INPP4B: variants seen among roughly 807,000 people sequenced by gnomAD.
INPP4B encodes the protein inositol polyphosphate 4-phosphatase type II.
In INPP4B, 55 loss-of-function variants were observed where a neutral mutation model predicts 122.5. The ratio of observed to expected loss-of-function variants is 0.45; its 90% confidence interval spans 0.36 to 0.56. The LOEUF is 0.56. Ranked by LOEUF, INPP4B falls within the 20% of genes least tolerant of loss-of-function variation. The pLI is 0.00. For synonymous variants in INPP4B, 403 were observed against 388.7 expected (o/e 1.04, Z -0.43); for missense variants, 1,000 against 1,097.7 (o/e 0.91, Z 1.26).
chr4:142,513,812 G>A (rs1293244927), intron 2 of INPP4B, among the ~76,000 whole-genome samples: 1 of 152,112 alleles, frequency 6.6e-6, no homozygotes, highest in African/African-American at 2.4e-5. Context: ...ATCACATTGG[G>A]GATTAGGATT....
intron 2 of INPP4B, among the ~76,000 whole-genome samples, chr4:142,720,791 C>CTA (rs1479748410): frequency 2.0e-4 from 8 of 39,532 alleles, no homozygotes; most frequent in Non-Finnish European, 3.7e-4. Context: ...CTCTCTCTCT[C>CTA]TCTCTCTCTC....
At chr4:142,479,436 T>C (rs930731596) in intron 2 of INPP4B, among the ~76,000 whole-genome samples, 9 of 152,146 alleles carry the variant, frequency 5.9e-5, no homozygotes, top group Non-Finnish European at 8.8e-5. Context: ...GAAGTAACAA[T>C]TGACCCAGCA....
At chr4:142,588,016 ATG>A (rs1736611126) in intron 2 of INPP4B, among the ~76,000 whole-genome samples, 1 of 151,964 alleles carries the variant, frequency 6.6e-6, no homozygotes, top group African/African-American at 2.4e-5. Context: ...GGGTCAACAT[ATG>A]AAAATAAATG....
chr4:142,241,317 A>G (rs1016349774), intron 11 of INPP4B, among the ~76,000 whole-genome samples: 2 of 152,104 alleles, frequency 1.3e-5, no homozygotes, highest in East Asian at 3.9e-4. Flanking sequence ...GACATTTTGG[A>G]CCATATCATT....
At chr4:142,060,550 A>C (rs1463299706) in intron 25 of INPP4B, among the ~76,000 whole-genome samples, 1 of 152,222 alleles carries the variant, frequency 6.6e-6, no homozygotes, top group African/African-American at 2.4e-5. Flanking sequence ...CTTGGAAACT[A>C]GGACTCAGAG....
At chr4:142,237,485 T>C (rs1449005426) in intron 12 of INPP4B, among the ~76,000 whole-genome samples, 4 of 152,106 alleles carry the variant, frequency 2.6e-5, no homozygotes, top group Non-Finnish European at 5.9e-5. Context: ...AGTTAATATT[T>C]TGTTATTAAA....
chr4:142,128,590 C>A (rs1201822120), intron 18 of INPP4B, among the ~76,000 whole-genome samples: 1 of 152,102 alleles, frequency 6.6e-6, no homozygotes, highest in Non-Finnish European at 1.5e-5. Flanking sequence ...ACTCCTTAAC[C>A]CTGAGACCAA....
intron 2 of INPP4B, among the ~76,000 whole-genome samples, chr4:142,522,630 T>C (rs762843501): frequency 1.3e-5 from 2 of 151,968 alleles, no homozygotes; most frequent in Non-Finnish European, 2.9e-5. Context: ...AGGGAGACGG[T>C]TTACTATATC....
chr4:142,641,528 T>C (rs1750464547), intron 2 of INPP4B, among the ~76,000 whole-genome samples: 1 of 151,978 alleles, frequency 6.6e-6, no homozygotes, highest in Admixed American at 6.6e-5. Context: ...TGTTTGGTTT[T>C]TTATCCTTGC....
chr4:142,833,121 A>C (rs1221982218), intron 1 of INPP4B, among the ~76,000 whole-genome samples: 1 of 151,980 alleles, frequency 6.6e-6, no homozygotes, highest in Non-Finnish European at 1.5e-5. Flanking sequence ...TACACAAGTG[A>C]AGTGGGTCAG....
chr4:142,734,797 C>T (rs1766601143), intron 1 of INPP4B, among the ~76,000 whole-genome samples: 1 of 152,128 alleles, frequency 6.6e-6, no homozygotes, highest in South Asian at 2.1e-4. Context: ...AGGCATGCGC[C>T]AGCACGCCCA....
chr4:142,616,241 C>A (rs1698916930), intron 2 of INPP4B, among the ~76,000 whole-genome samples: 1 of 152,080 alleles, frequency 6.6e-6, no homozygotes, highest in South Asian at 2.1e-4. Context: ...TTCTTCTCTT[C>A]TTTGGTAGTT....
chr4:142,465,533 T>G (rs544264016), intron 2 of INPP4B, among the ~76,000 whole-genome samples: 1 of 152,250 alleles, frequency 6.6e-6, no homozygotes, highest in Non-Finnish European at 1.5e-5. Context: ...AGAATTAAAA[T>G]GCAGAATATT....
chr4:142,638,393 A>G (rs532924075), intron 2 of INPP4B, among the ~76,000 whole-genome samples: 1 of 152,124 alleles, frequency 6.6e-6, no homozygotes, highest in South Asian at 2.1e-4. Context: ...TGTGTCTAAA[A>G]TAATTTTTTG....
intron 7 of INPP4B, among the ~76,000 whole-genome samples, chr4:142,342,446 C>T (rs548102014): frequency 6.6e-6 from 1 of 152,258 alleles, no homozygotes; most frequent in East Asian, 1.9e-4. Flanking sequence ...TGAGTACCCT[C>T]CCCTTACCTT....
chr4:142,843,496 T>C (rs1212861616), intron 1 of INPP4B, among the ~76,000 whole-genome samples: 1 of 151,914 alleles, frequency 6.6e-6, no homozygotes, highest in East Asian at 1.9e-4. Context: ...ACCTGAACAT[T>C]TAACTTGAGA....
chr4:142,479,484 T>G (rs1176586185), intron 2 of INPP4B, among the ~76,000 whole-genome samples: 1 of 152,044 alleles, frequency 6.6e-6, no homozygotes, highest in Non-Finnish European at 1.5e-5. Context: ...AAATATAAAT[T>G]ATTCTACGAT....
intron 10 of INPP4B, among the ~76,000 whole-genome samples, chr4:142,265,769 T>C (rs1742446704): frequency 6.6e-6 from 1 of 152,230 alleles, no homozygotes; most frequent in Non-Finnish European, 1.5e-5. Context: ...CGGTGTGTAT[T>C]GCCACTGCCA....
chr4:142,130,313 G>T (rs1045985611), intron 18 of INPP4B, among the ~76,000 whole-genome samples: 1 of 152,138 alleles, frequency 6.6e-6, no homozygotes, highest in South Asian at 2.1e-4. Context: ...AGAAACAGGG[G>T]GTACTGGAAG....
Sources: gnomAD v4.1 joint callset for allele counts (sites outside exome capture counted in the v4.1 genomes callset) on GRCh38, gnomAD v4.1.1 for gene constraint, MANE v1.5 for transcripts, NCBI Gene and HGNC (gene_info 2026-07-23, HGNC 2026-07-21) for gene names.